COX7B2: variants seen among roughly 807,000 people sequenced by gnomAD.
COX7B2 encodes cytochrome c oxidase subunit 7B2, mitochondrial.
For synonymous variants in COX7B2, 37 were observed against 32.1 expected, an observed-to-expected ratio of 1.15 and a Z score of -0.51; for missense variants, 109 against 95.9, an observed-to-expected ratio of 1.14 and a Z score of -0.57.
chr4:46,830,324 C>CAAAAAAAAAAAAAAAAAA (rs201868075), intron 2 of COX7B2, among the ~76,000 whole-genome samples: 1 of 82,154 alleles, frequency 1.2e-5, no homozygotes, highest in African/African-American at 4.7e-5. Context: ...ACTCTGTCTC[C>CAAAAAAAAAAAAAAAAAA]AAAAAAAAAA....
At chr4:46,838,914 A>G (rs1284888459) in intron 2 of COX7B2, among the ~76,000 whole-genome samples, 4 of 151,990 alleles carry the variant, frequency 2.6e-5, no homozygotes, top group Admixed American at 2.6e-4. Context: ...AATCTGCACC[A>G]AATACATCTC....
intron 2 of COX7B2, among the ~76,000 whole-genome samples, chr4:46,768,273 A>AAATGGAATG (rs1224848919): frequency 1.6e-4 from 24 of 152,326 alleles, no homozygotes; most frequent in African/African-American, 5.8e-4. Context: ...GGAGCTGGAA[A>AAATGGAATG]GGAAATGGAA....
At chr4:46,843,664 G>A (rs1716084583) in intron 2 of COX7B2, among the ~76,000 whole-genome samples, 1 of 152,002 alleles carries the variant, frequency 6.6e-6, no homozygotes, top group Non-Finnish European at 1.5e-5. Flanking sequence ...ACTGCAAACA[G>A]TTCACAATTG....
At chr4:46,856,762 G>A (rs1266013984) in intron 1 of COX7B2, among the ~76,000 whole-genome samples, 1 of 152,088 alleles carries the variant, frequency 6.6e-6, no homozygotes, top group African/African-American at 2.4e-5. Flanking sequence ...ATTGAGAAAG[G>A]GCTTAAGGCA....
At chr4:46,853,411 C>T (rs1020050316) in intron 1 of COX7B2, among the ~76,000 whole-genome samples, 6 of 152,084 alleles carry the variant, frequency 3.9e-5, no homozygotes, top group African/African-American at 1.2e-4. Context: ...AATTTGTCTA[C>T]TTATTTGCTC....
intron 1 of COX7B2, 45 bp from the exon 2 acceptor site, chr4:46,845,059 A>G (rs1050297117): frequency 6.6e-5 from 10 of 152,052 alleles, no homozygotes; most frequent in Admixed American, 6.6e-4. Context: ...TTCAAAGACA[A>G]TGAAAAAGCC....
intron 1 of COX7B2, chr4:46,903,949 GATATT>G (rs1011884161): frequency 1.3e-5 from 2 of 152,276 alleles, no homozygotes; most frequent in Non-Finnish European, 2.9e-5. Flanking sequence ...CAGGGATTCA[GATATT>G]ATATCACATC....
intron 2 of COX7B2, among the ~76,000 whole-genome samples, chr4:46,777,412 G>A (rs1158578931): frequency 1.3e-5 from 2 of 152,056 alleles, no homozygotes; most frequent in African/African-American, 2.4e-5. Context: ...TGAAGGCGGT[G>A]GTGGTGAGGA....
chr4:46,870,694 A>C (rs1489140654), intron 1 of COX7B2, among the ~76,000 whole-genome samples: 1 of 152,076 alleles, frequency 6.6e-6, no homozygotes, highest in African/African-American at 2.4e-5. Context: ...TACACCACCA[A>C]CAACCAAGCC....
intron 1 of COX7B2, among the ~76,000 whole-genome samples, chr4:46,865,938 T>G (rs1717635466): frequency 6.6e-6 from 1 of 152,126 alleles, no homozygotes; most frequent in Non-Finnish European, 1.5e-5. Context: ...CTTAACAGAT[T>G]CTACCTAACT....
intron 1 of COX7B2, among the ~76,000 whole-genome samples, chr4:46,900,814 T>C (rs1479341839): frequency 1.3e-5 from 2 of 152,176 alleles, no homozygotes; most frequent in Non-Finnish European, 2.9e-5. Context: ...ACACCAAATC[T>C]GCTGGCACCT....
chr4:46,795,107 T>C (rs1324506566), intron 2 of COX7B2, among the ~76,000 whole-genome samples: 3 of 137,928 alleles, frequency 2.2e-5, no homozygotes, highest in African/African-American at 6.3e-5. Context: ...TAGCCCTTTG[T>C]CAGATGAGTA....
chr4:46,840,543 C>T (rs1189385314), intron 2 of COX7B2, among the ~76,000 whole-genome samples: 1 of 151,896 alleles, frequency 6.6e-6, no homozygotes, highest in African/African-American at 2.4e-5. Flanking sequence ...AGCTGCTTCC[C>T]CATCCTGCCC....
intron 1 of COX7B2, among the ~76,000 whole-genome samples, chr4:46,882,127 T>A (rs1481936408): frequency 6.6e-6 from 1 of 152,216 alleles, no homozygotes; most frequent in Non-Finnish European, 1.5e-5. Flanking sequence ...ATAGTCTTGA[T>A]TTCTATTTTT....
At chr4:46,772,139 G>A (rs890060131) in intron 2 of COX7B2, among the ~76,000 whole-genome samples, 1 of 152,000 alleles carries the variant, frequency 6.6e-6, no homozygotes, top group African/African-American at 2.4e-5. Context: ...TTCCATTCAT[G>A]GCAATATGGA....
At chr4:46,851,058 G>A (rs926919732) in intron 1 of COX7B2, among the ~76,000 whole-genome samples, 8 of 152,036 alleles carry the variant, frequency 5.3e-5, no homozygotes, top group Non-Finnish European at 8.8e-5. Context: ...GCAAGTTACC[G>A]GGGAACAAAG....
intron 1 of COX7B2, among the ~76,000 whole-genome samples, chr4:46,895,395 A>T (rs1719696592): frequency 6.6e-6 from 1 of 152,180 alleles, no homozygotes; most frequent in Admixed American, 6.6e-5. Flanking sequence ...GGAACAGAAA[A>T]CCAAATACCA....
At chr4:46,737,873 A>C (rs1260563656) in intron 2 of COX7B2, among the ~76,000 whole-genome samples, 1 of 152,106 alleles carries the variant, frequency 6.6e-6, no homozygotes, top group Non-Finnish European at 1.5e-5. Context: ...ACAAGACCCC[A>C]AGGTTCTCTT....
chr4:46,906,076 G>A (rs1418208010), intron 1 of COX7B2, among the ~76,000 whole-genome samples: 5 of 151,708 alleles, frequency 3.3e-5, no homozygotes, highest in Admixed American at 1.3e-4. Flanking sequence ...TGATCCACCC[G>A]CCTCGGCCTC....
Sources: gnomAD v4.1 joint callset for allele counts (sites outside exome capture counted in the v4.1 genomes callset) on GRCh38, gnomAD v4.1.1 for gene constraint, MANE v1.5 for transcripts, NCBI Gene and HGNC (gene_info 2026-07-23, HGNC 2026-07-21) for gene names.